The following RANBP2 variants were observed in gnomAD, a reference collection of about 807,000 sequenced individuals.
RANBP2 encodes the protein E3 SUMO-protein ligase RanBP2.
Under a neutral mutation model 303.6 loss-of-function variants are expected in RANBP2, and 57 were observed. The observed-to-expected ratio is 0.19, with a 90% CI of 0.15 to 0.23. The LOEUF (loss-of-function observed/expected upper bound fraction) is 0.23, where lower values mean the gene tolerates loss of function less well. Ranked by LOEUF, RANBP2 falls within the 10% of genes least tolerant of loss-of-function variation. RANBP2 has a pLI of 1.00. For missense variants in RANBP2, 3,138 were observed against 3,780.8 expected, an observed-to-expected ratio of 0.83 and a Z score of 4.46; for synonymous variants, 1,167 against 1,301.5, an observed-to-expected ratio of 0.90 and a Z score of 2.23.
chr2:109,205,486 G>A, the RANBP2 span, among the ~76,000 whole-genome samples: 5 of 152,134 alleles, frequency 3.3e-5, no homozygotes, highest in Non-Finnish European at 5.9e-5. Flanking sequence ...CTGACCTCAA[G>A]TGATCCACCT....
At chr2:109,738,848 G>A in the RANBP2 span, among the ~76,000 whole-genome samples, 2 of 148,690 alleles carry the variant, frequency 1.3e-5, no homozygotes, top group African/African-American at 5.0e-5. Flanking sequence ...GCCCTGGAGA[G>A]TTTGCCCAGT....
At chr2:109,664,304 G>A in the RANBP2 span, among the ~76,000 whole-genome samples, 1 of 152,158 alleles carries the variant, frequency 6.6e-6, no homozygotes, top group African/African-American at 2.4e-5. Context: ...ATTTAGCAAA[G>A]ATTCTTATAA....
At chr2:108,860,858 A>G in the RANBP2 span, among the ~76,000 whole-genome samples, 1 of 150,750 alleles carries the variant, frequency 6.6e-6, no homozygotes, top group Non-Finnish European at 1.5e-5. Context: ...ATATTTTGGA[A>G]TAGTTTCAAT....
At chr2:109,478,489 T>G in the RANBP2 span, among the ~76,000 whole-genome samples, 2 of 152,276 alleles carry the variant, frequency 1.3e-5, no homozygotes, top group Non-Finnish European at 2.9e-5. Flanking sequence ...TCTAGATGTC[T>G]TCATGCTTTC....
chr2:109,667,724 A>C, the RANBP2 span: 1 of 172,390 alleles, frequency 5.8e-6, no homozygotes, highest in Admixed American at 6.4e-5. Context: ...CCTGGATGGG[A>C]GTGTGCGGTG....
the RANBP2 span, among the ~76,000 whole-genome samples, chr2:109,620,845 A>G: frequency 6.6e-6 from 1 of 152,246 alleles, no homozygotes; most frequent in Non-Finnish European, 1.5e-5. Flanking sequence ...CCCAAAGAGC[A>G]AATGAATAGG....
the RANBP2 span, among the ~76,000 whole-genome samples, chr2:108,824,693 C>A: frequency 1.3e-5 from 2 of 151,968 alleles, no homozygotes; most frequent in African/African-American, 4.8e-5. Flanking sequence ...CATTTATTAT[C>A]TTTATCAAGT....
chr2:109,726,314 G>A, the RANBP2 span, among the ~76,000 whole-genome samples: 1 of 151,924 alleles, frequency 6.6e-6, no homozygotes, highest in African/African-American at 2.4e-5. Context: ...GGAAGCTGAG[G>A]CAAGAGAATC....
chr2:109,696,667 C>T, the RANBP2 span, among the ~76,000 whole-genome samples: 1 of 152,178 alleles, frequency 6.6e-6, no homozygotes. Context: ...TTTAAAAAAA[C>T]CTGCTGAGAT....
chr2:108,980,680 T>C, the RANBP2 span, among the ~76,000 whole-genome samples: 22 of 152,106 alleles, frequency 1.4e-4, no homozygotes, highest in Non-Finnish European at 2.8e-4. Flanking sequence ...CGTGTTAGCA[T>C]AGACCTGAAG....
chr2:108,752,870 C>T, intron 12 of RANBP2, 128 bp from the exon 13 acceptor site: 1 of 1,571,326 alleles, frequency 6.4e-7, no homozygotes, highest in Non-Finnish European at 8.7e-7. Flanking sequence ...GGAAGTTGAA[C>T]AAATGACTAT....
chr2:109,048,669 G>C, the RANBP2 span, among the ~76,000 whole-genome samples: 3 of 152,018 alleles, frequency 2.0e-5, no homozygotes, highest in South Asian at 6.3e-4. Context: ...TTTGGAATGG[G>C]AACCTCTTGA....
chr2:109,502,070 C>T, the RANBP2 span: 11 of 190,772 alleles, frequency 5.8e-5, no homozygotes, highest in Middle Eastern at 2.2e-3. Context: ...GGGCCAGGAG[C>T]GCTGGAGATC....
the RANBP2 span, among the ~76,000 whole-genome samples, chr2:109,098,199 C>T: frequency 6.6e-6 from 1 of 152,212 alleles, no homozygotes; most frequent in Non-Finnish European, 1.5e-5. Context: ...CTCTGGCTAA[C>T]CCACACTAAG....
At chr2:108,798,440 G>A in the RANBP2 span, 3 of 1,612,588 alleles carry the variant, frequency 1.9e-6, no homozygotes, top group Admixed American at 5.0e-5. Context: ...TGAAACTGCA[G>A]CACAACAGAA....
chr2:109,300,484 C>T, the RANBP2 span, among the ~76,000 whole-genome samples: 1 of 152,134 alleles, frequency 6.6e-6, no homozygotes, highest in Non-Finnish European at 1.5e-5. Context: ...CCATCCGCAC[C>T]CTGAGTTTTT....
At chr2:109,480,583 G>C in the RANBP2 span, among the ~76,000 whole-genome samples, 1 of 152,212 alleles carries the variant, frequency 6.6e-6, no homozygotes, top group Non-Finnish European at 1.5e-5. Flanking sequence ...TCGCAGGGTA[G>C]AGGTCATCCC....
the RANBP2 span, among the ~76,000 whole-genome samples, chr2:108,960,977 A>T: frequency 6.6e-6 from 1 of 152,252 alleles, no homozygotes; most frequent in African/African-American, 2.4e-5. Flanking sequence ...TACATAAAAG[A>T]CACAGTGGAT....
At chr2:109,082,376 C>T in the RANBP2 span, among the ~76,000 whole-genome samples, 1 of 152,122 alleles carries the variant, frequency 6.6e-6, no homozygotes, top group African/African-American at 2.4e-5. Flanking sequence ...TCTTGGCTCA[C>T]TGCAACCTCC....
Sources: gnomAD v4.1 joint callset for allele counts (sites outside exome capture counted in the v4.1 genomes callset) on GRCh38, gnomAD v4.1.1 for gene constraint, MANE v1.5 for transcripts, NCBI Gene and HGNC (gene_info 2026-07-23, HGNC 2026-07-21) for gene names.